MGST1: variants seen among roughly 807,000 people sequenced by gnomAD.
MGST1 encodes the protein glutathione S-transferase 12.
MGST1 carries 5 observed loss-of-function variants against 8.9 expected under a neutral mutation model. The observed-to-expected ratio is 0.56, with a 90% confidence interval of 0.29 to 1.19. MGST1 has a LOEUF of 1.19. Ranked by LOEUF, MGST1 falls within the 50% of genes most tolerant of loss-of-function variation. The pLI is 0.08. For synonymous variants in MGST1, 54 were observed against 67.8 expected, an observed-to-expected ratio of 0.80 and a Z score of 1.00; for missense variants, 182 against 187.4, an observed-to-expected ratio of 0.97 and a Z score of 0.17.
chr12:16,457,505 G>A (rs1024801980), intron 4 of MGST1, among the ~76,000 whole-genome samples: 4 of 151,968 alleles, frequency 2.6e-5, no homozygotes, highest in African/African-American at 9.6e-5. Flanking sequence ...GTTGACTTCC[G>A]TGATATTTAT....
intron 4 of MGST1, among the ~76,000 whole-genome samples, chr12:16,449,678 G>A (rs183161837): frequency 3.3e-5 from 5 of 151,978 alleles, no homozygotes; most frequent in Non-Finnish European, 5.9e-5. Flanking sequence ...GGGCCCTGTG[G>A]CTTTGTGATA....
rs1455947473 is a variant in MGST1, at chr12:16,559,528, C to G, written n.483-30000C>G. On this transcript the variant is annotated intron_variant and non_coding_transcript_variant, in intron 4 of 4. Coordinates refer to the MGST1 transcript ENST00000538857. This position sits in a 1 kb window ranked among gnomAD's most constrained non-coding sequence, Gnocchi z 4.1. ...AATTTAGGTTTCCAGGTTCCCTGTT[C>G]AACACTTTTTCAAATGCTCCTCTCC... 1.3e-5 allele frequency among the ~76,000 whole-genome samples: 2 copies of G among 152,124 alleles called. No homozygotes were observed. Among genetic ancestry groups the G allele is most frequent in the African/African-American group, 2.4e-5 (1 of 41,424 alleles).
chr12:16,564,202 T>C (rs1942507629), intron 4 of MGST1, among the ~76,000 whole-genome samples: 1 of 152,180 alleles, frequency 6.6e-6, no homozygotes. Flanking sequence ...CTAACTTTCT[T>C]AGGGGTAAGA....
At chr12:16,501,648 T>G (rs1941506862) in intron 4 of MGST1, among the ~76,000 whole-genome samples, 1 of 152,196 alleles carries the variant, frequency 6.6e-6, no homozygotes, top group South Asian at 2.1e-4. Context: ...GTGTCCCCTA[T>G]AAGGACTAAA....
intron 4 of MGST1, among the ~76,000 whole-genome samples, chr12:16,508,989 G>C (rs1010923804): frequency 6.6e-6 from 1 of 152,126 alleles, no homozygotes; most frequent in African/African-American, 2.4e-5. Context: ...TGATGCTGCT[G>C]CTATGTGCTT....
intron 4 of MGST1, among the ~76,000 whole-genome samples, chr12:16,581,216 TCACTAAA>T (rs1158335711): frequency 6.6e-6 from 1 of 152,186 alleles, no homozygotes; most frequent in East Asian, 1.9e-4. Context: ...ATGTCCTCAG[TCACTAAA>T]CACTAGAGTA....
chr12:16,447,247 T>C lies in MGST1; in HGVS notation n.482+63643T>C, dbSNP rs578110915. Among the ~76,000 whole-genome samples, 5 of 152,046 alleles carry C rather than the reference T, an allele frequency of 3.3e-5. No homozygotes were observed. The South Asian group carries it at 1.0e-3, about 31-fold the overall frequency. ...CATGTCCTGCCTCCTTGATCAAAAC[T>C]CTTAAAACCAGTCATTTATCCAAAT... is the stretch of plus-strand genomic sequence containing the variant. On this transcript the variant is annotated intron_variant and non_coding_transcript_variant, in intron 4 of 4. Coordinates refer to the MGST1 transcript ENST00000538857.
At chr12:16,397,510 C>T (rs1424156185) in intron 1 of MGST1, among the ~76,000 whole-genome samples, 1 of 151,904 alleles carries the variant, frequency 6.6e-6, no homozygotes, top group Non-Finnish European at 1.5e-5. Flanking sequence ...TGGGAGAAAA[C>T]CTTTACAATC....
chr12:16,563,293 C>T (rs1449193622), intron 4 of MGST1, among the ~76,000 whole-genome samples: 1 of 152,144 alleles, frequency 6.6e-6, no homozygotes, highest in Admixed American at 6.6e-5. Context: ...CATTCTATAG[C>T]TACATTCGAG....
At chr12:16,388,995 A>G (rs1461744289) in intron 1 of MGST1, among the ~76,000 whole-genome samples, 1 of 152,238 alleles carries the variant, frequency 6.6e-6, no homozygotes, top group South Asian at 2.1e-4. Context: ...GCAATAGAGA[A>G]GGAATGCTTC....
Position 16,584,587 on chromosome 12 carries a change from G to A in MGST1, n.483-4941G>A, listed in dbSNP as rs570227788. ...ATTAACATTGGCAAGTGGAGGAGTG[G>A]GGGGGGTAAGAGGCCTGTTTAGAGG... On this transcript the variant is annotated intron_variant and non_coding_transcript_variant, in intron 4 of 4. Coordinates refer to the MGST1 transcript ENST00000538857. The surrounding 1 kb of genome is among the most constrained non-coding windows in gnomAD (Gnocchi z 5.2). Among the ~76,000 whole-genome samples, 2 of 137,772 alleles carry A rather than the reference G, an allele frequency of 1.5e-5. No homozygotes were observed. The highest frequency in any genetic ancestry group is 3.2e-5 in the African/African-American group (1 of 31,634). 90.4% of individuals were successfully genotyped at this position (137,772 alleles called of 152,430 possible). A position where few individuals can be genotyped will look rare whatever the true frequency, so the allele number is the denominator to read the frequency against.
At chr12:16,533,111 T>G (rs1324443598) in intron 4 of MGST1, among the ~76,000 whole-genome samples, 1 of 152,218 alleles carries the variant, frequency 6.6e-6, no homozygotes, top group Non-Finnish European at 1.5e-5. Context: ...AACTAGTATT[T>G]AAAGAGTCAG....
At position 16,546,390 on chromosome 12, in the gene MGST1, A is replaced by G. The variant is rs1206805896; in HGVS notation, n.483-43138A>G. Among the ~76,000 whole-genome samples, 2 of 152,104 alleles carry G rather than the reference A, an allele frequency of 1.3e-5. No homozygotes were observed. Among genetic ancestry groups the G allele is most frequent in the Non-Finnish European group, 2.9e-5 (2 of 67,988 alleles). ...AATCACCCCGGTGATACCAATTTCG[A>G]GTATTCAGCTTCTGAGTCCAGAATA... On this transcript the variant is annotated intron_variant and non_coding_transcript_variant, in intron 4 of 4. Coordinates refer to the MGST1 transcript ENST00000538857. The surrounding 1 kb of genome is among the most constrained non-coding windows in gnomAD (Gnocchi z 4.7).
chr12:16,377,831 C>T (rs11056907), downstream of MGST1, among the ~76,000 whole-genome samples: 26,274 of 147,752 alleles, frequency 0.18, 2,673 homozygotes, highest in East Asian at 0.41. Flanking sequence ...TTCTAATGAT[C>T]GCCATTCTAA....
At chr12:16,399,210 A>C in intron 1 of MGST1, 2 of 1,386,386 alleles carry the variant, frequency 1.4e-6, no homozygotes, top group Non-Finnish European at 2.0e-6. Context: ...TACAGTTTCT[A>C]TGTCATGTAA....
At chr12:16,448,128 A>G (rs1191368426) in intron 4 of MGST1, among the ~76,000 whole-genome samples, 1 of 151,948 alleles carries the variant, frequency 6.6e-6, no homozygotes, top group Non-Finnish European at 1.5e-5. Flanking sequence ...TTAAAATGAG[A>G]AAAGAGCAAT....
intron 3 of MGST1, among the ~76,000 whole-genome samples, chr12:16,360,644 A>C (rs1939944927): frequency 6.6e-6 from 1 of 152,254 alleles, no homozygotes. Context: ...CAAACAGGCC[A>C]GCTGGTGAAA....
chr12:16,512,502 A>C (rs1033222858), intron 4 of MGST1, among the ~76,000 whole-genome samples: 2 of 152,268 alleles, frequency 1.3e-5, no homozygotes, highest in Non-Finnish European at 2.9e-5. Context: ...ATTACCAATA[A>C]AACAATGTAA....
Position 16,546,947 on chromosome 12 carries a change from GTA to G in MGST1, n.483-42578_483-42577del, listed in dbSNP as rs1296578831. Among the ~76,000 whole-genome samples the G allele has an allele frequency of 6.6e-6, 1 of 152,082 alleles. No individual in the cohort carries two copies. The highest frequency in any genetic ancestry group is 1.5e-5 in the Non-Finnish European group (1 of 68,000). On this transcript the variant is annotated intron_variant and non_coding_transcript_variant, in intron 4 of 4. Transcript: ENST00000538857. The surrounding 1 kb of genome is among the most constrained non-coding windows in gnomAD (Gnocchi z 4.7). ...AAAAGTTACTGAAATTAAATCGTGT[GTA>G]TACTAAAGCGTTGTAAAATTGACTC...
Sources: gnomAD v4.1 joint callset for allele counts (sites outside exome capture counted in the v4.1 genomes callset) on GRCh38, gnomAD v4.1.1 for gene constraint, Gnocchi (gnomAD v3.1) non-coding constraint, MANE v1.5 for transcripts, NCBI Gene and HGNC (gene_info 2026-07-23, HGNC 2026-07-21) for gene names.